Variants in DNM3 observed in about 807,000 individuals in gnomAD.
DNM3 encodes the protein dynamin 3, also known as dynamin-3.
In DNM3, 47 loss-of-function variants were observed where a neutral mutation model predicts 101.6. That is an observed-to-expected ratio of 0.46 (90% confidence interval 0.37 to 0.59). The LOEUF is 0.59. Among genes scored for constraint, DNM3 ranks in the 20% least tolerant of loss-of-function variants. The pLI, the probability that DNM3 is intolerant of heterozygous loss-of-function variation, is 0.00. For missense variants in DNM3, 849 were observed against 1,085.7 expected, an observed-to-expected ratio of 0.78 and a Z score of 3.06; for synonymous variants, 385 against 387.9, an observed-to-expected ratio of 0.99 and a Z score of 0.09.
chr1:172,148,297 ATTT>A (rs201953058), intron 14 of DNM3, among the ~76,000 whole-genome samples: 1 of 143,938 alleles, frequency 6.9e-6, no homozygotes, highest in Non-Finnish European at 1.5e-5. Flanking sequence ...ATATATTTGT[ATTT>A]TTTTTTTTTT....
At chr1:171,942,201 ATT>A (rs71561599) in intron 2 of DNM3, among the ~76,000 whole-genome samples, 7 of 103,570 alleles carry the variant, frequency 6.8e-5, no homozygotes, top group Admixed American at 1.1e-4. Flanking sequence ...TGCTCACTTG[ATT>A]TTTTTTTTTT....
At chr1:172,204,773 C>T (rs1262733804) in intron 14 of DNM3, among the ~76,000 whole-genome samples, 2 of 152,094 alleles carry the variant, frequency 1.3e-5, no homozygotes, top group African/African-American at 4.8e-5. Context: ...ACATGCTTAC[C>T]ATAATGTCTC....
At chr1:172,132,331 G>C (rs542157332) in intron 14 of DNM3, among the ~76,000 whole-genome samples, 1 of 152,112 alleles carries the variant, frequency 6.6e-6, no homozygotes, top group South Asian at 2.1e-4. Flanking sequence ...TTGGATAATT[G>C]GTTGATTGCC....
intron 14 of DNM3, among the ~76,000 whole-genome samples, chr1:172,156,253 C>T (rs773774185): frequency 6.6e-6 from 1 of 151,978 alleles, no homozygotes; most frequent in Non-Finnish European, 1.5e-5. Flanking sequence ...ATATGACCAC[C>T]CCAGTGTTTA....
rs2125226707 is a variant in DNM3, at chr1:171,900,796, T to G, written c.162-20952T>G. 2.0e-5 allele frequency among the ~76,000 whole-genome samples: 3 copies of G among 152,012 alleles called. No individual in the cohort carries two copies. In the South Asian group the frequency reaches 6.2e-4, roughly 32 times the overall value. The stretch of plus-strand genomic sequence containing the variant: ...CATTTTTATACTAATGCCGATAAAA[T>G]ATGCATATTATTGATACTTTGAAAT... On this transcript the variant is annotated intron_variant, in intron 1 of 20. Coordinates refer to ENST00000627582, the MANE Select transcript of DNM3 (RefSeq NM_015569.5).
intron 2 of DNM3, among the ~76,000 whole-genome samples, chr1:171,977,623 C>T (rs1335945239): frequency 6.6e-6 from 1 of 152,168 alleles, no homozygotes; most frequent in Non-Finnish European, 1.5e-5. Context: ...AATTAACTTA[C>T]CTTGCCCTTT....
At chr1:172,253,808 T>G in intron 15 of DNM3, 126 bp downstream of exon 15, 1 of 502,474 alleles carries the variant, frequency 2.0e-6, no homozygotes, top group Non-Finnish European at 3.3e-6. Flanking sequence ...CAGTTTTCCT[T>G]TCATTTATTT....
At chr1:172,060,063 G>T (rs1001890459) in intron 10 of DNM3, among the ~76,000 whole-genome samples, 3 of 152,022 alleles carry the variant, frequency 2.0e-5, no homozygotes, top group Admixed American at 1.3e-4. Flanking sequence ...TCGACAAACA[G>T]AGAGCTAAAT....
At chr1:172,237,326 A>G (rs2061582266) in intron 14 of DNM3, among the ~76,000 whole-genome samples, 1 of 152,098 alleles carries the variant, frequency 6.6e-6, no homozygotes, top group African/African-American at 2.4e-5. Context: ...GTGAAACTGA[A>G]GCAGAGAGCA....
intron 14 of DNM3, among the ~76,000 whole-genome samples, chr1:172,164,980 G>A (rs1328765291): frequency 6.6e-6 from 1 of 152,042 alleles, no homozygotes; most frequent in Non-Finnish European, 1.5e-5. Flanking sequence ...AACCCTTTTT[G>A]TCCTGAGGCT....
intron 8 of DNM3, 28 bp downstream of exon 8, chr1:172,042,172 A>C: frequency 6.4e-7 from 1 of 1,570,536 alleles, no homozygotes; most frequent in South Asian, 1.2e-5. Context: ...TTTTTTTCTT[A>C]GTTTCACTTC....
intron 15 of DNM3, among the ~76,000 whole-genome samples, chr1:172,279,980 T>A (rs1332552044): frequency 6.6e-6 from 1 of 152,174 alleles, no homozygotes; most frequent in Non-Finnish European, 1.5e-5. Flanking sequence ...TTCAAATTTA[T>A]CATGGCCTAT....
chr1:172,294,143 C>G (rs1259450048), intron 15 of DNM3, among the ~76,000 whole-genome samples: 1 of 152,150 alleles, frequency 6.6e-6, no homozygotes, highest in Non-Finnish European at 1.5e-5. Context: ...CAAGATAATC[C>G]ATCACTCTTT....
intron 14 of DNM3, among the ~76,000 whole-genome samples, chr1:172,136,121 G>T (rs2057214161): frequency 6.6e-6 from 1 of 152,082 alleles, no homozygotes; most frequent in South Asian, 2.1e-4. Flanking sequence ...TTGAAATAAG[G>T]ACATTCTTTG....
chr1:171,959,691 G>A (rs2043087895), intron 2 of DNM3, among the ~76,000 whole-genome samples: 1 of 152,172 alleles, frequency 6.6e-6, no homozygotes, highest in Non-Finnish European at 1.5e-5. Flanking sequence ...TAAAGAGAAG[G>A]AAGGGGTCAA....
intron 13 of DNM3, among the ~76,000 whole-genome samples, chr1:172,117,862 T>C (rs1412157310): frequency 6.6e-6 from 1 of 152,200 alleles, no homozygotes; most frequent in Non-Finnish European, 1.5e-5. Flanking sequence ...TTAGAAGTTG[T>C]GAAGTGTGTT....
chr1:171,902,232 G>C (rs2038424279), intron 1 of DNM3, among the ~76,000 whole-genome samples: 1 of 152,104 alleles, frequency 6.6e-6, no homozygotes, highest in Non-Finnish European at 1.5e-5. Context: ...GTAACCTATA[G>C]TAGAAACTAT....
At chr1:172,026,659 CT>C (rs565331702) in intron 4 of DNM3, among the ~76,000 whole-genome samples, 411 of 143,058 alleles carry the variant, frequency 2.9e-3, no homozygotes, top group East Asian at 8.5e-3. Flanking sequence ...ATTCAACATG[CT>C]TTTTTTTTTT....
rs114612984 is a variant in DNM3, at chr1:171,975,924, G to A, written c.236-11732G>A. 2.4e-3 allele frequency among the ~76,000 whole-genome samples: 365 copies of A among 152,270 alleles called. 7 individuals are homozygous for A. Among genetic ancestry groups the A allele is most frequent in the African/African-American group, 7.9e-3 (327 of 41,558 alleles). On this transcript the variant is annotated intron_variant, in intron 2 of 20. Transcript: ENST00000627582. ...GCTGTACAGTGCTATAATTGTGCCT[G>A]TGAATAACCATTGCACTTCAGCCTG...
Sources: allele counts gnomAD v4.1 joint callset (sites outside exome capture counted in the v4.1 genomes callset), GRCh38; gene constraint gnomAD v4.1.1; transcripts MANE v1.5; gene names NCBI Gene and HGNC (gene_info 2026-07-23, HGNC 2026-07-21).